The following TMEM50A variants were observed in gnomAD, a reference collection of about 807,000 sequenced individuals.
TMEM50A encodes the protein cervical cancer oncogene 9.
A neutral mutation model predicts 23.9 loss-of-function variants in TMEM50A; 8 were observed. That is an observed-to-expected ratio of 0.33 (90% CI 0.20 to 0.60). TMEM50A has a LOEUF of 0.60. TMEM50A is among the 20% of genes least tolerant of loss of function. The pLI is 0.81. For missense variants in TMEM50A, 178 were observed against 192.7 expected (o/e 0.92, Z 0.45); for synonymous variants, 55 against 60.4 (o/e 0.91, Z 0.41).
intron 3 of TMEM50A, among the ~76,000 whole-genome samples, chr1:25,343,740 G>T (rs1645187678): frequency 6.6e-6 from 1 of 152,090 alleles, no homozygotes; most frequent in Non-Finnish European, 1.5e-5. Flanking sequence ...AGGTGACTTT[G>T]AGTAAAGACT....
intron 5 of TMEM50A, among the ~76,000 whole-genome samples, chr1:25,356,157 A>G (rs1262805041): frequency 2.0e-5 from 3 of 152,114 alleles, no homozygotes; most frequent in Non-Finnish European, 4.4e-5. Context: ...CTCTTAAAAT[A>G]TGTCATCTCA....
chr1:25,360,645 T>G lies in TMEM50A; in HGVS notation c.429-15T>G, dbSNP rs766278688. On this transcript the variant is annotated splice_polypyrimidine_tract_variant and intron_variant, in intron 6 of 6. Coordinates refer to ENST00000374358, the MANE Select transcript of TMEM50A (RefSeq NM_014313.4). Reference sequence around the variant, plus strand: ...AATTCAGGGAGTCATGTGATATTTCTTGTTTTATTCACAGAGGGCTGGTTT... The same window carrying G: ...AATTCAGGGAGTCATGTGATATTTCGTGTTTTATTCACAGAGGGCTGGTTT... 1 of 1,614,014 alleles carries G rather than the reference T, an allele frequency of 6.2e-7. No individual in the cohort carries two copies. The highest frequency in any genetic ancestry group is 1.1e-5 in the South Asian group (1 of 91,084).
intron 3 of TMEM50A, among the ~76,000 whole-genome samples, chr1:25,343,442 C>G (rs537314623): frequency 6.6e-6 from 1 of 151,856 alleles, no homozygotes; most frequent in African/African-American, 2.4e-5. Context: ...GTTAGTAAAA[C>G]AGGAAAAATC....
Position 25,348,042 on chromosome 1 carries a change from A to T in TMEM50A, c.207-3584A>T, listed in dbSNP as rs570905248. On this transcript the variant is annotated intron_variant, in intron 3 of 6. Transcript: ENST00000374358. ...GTAGCAAGTCTGACTATGGAGGGGA[A>T]TTATAGCTGTATATGAGCTTGAATG... Among the ~76,000 whole-genome samples, 7 of 152,354 alleles carry T rather than the reference A, an allele frequency of 4.6e-5. No individual in the cohort carries two copies. In the South Asian group the frequency reaches 1.4e-3, roughly 32 times the overall value.
chr1:25,346,039 C>T (rs142580728), intron 3 of TMEM50A, among the ~76,000 whole-genome samples: 1,551 of 152,084 alleles, frequency 0.01, 28 homozygotes, highest in African/African-American at 0.035. Context: ...CCACCTGTCT[C>T]GGCCTCCCAA....
chr1:25,350,584 C>T (rs1645265661), intron 3 of TMEM50A, among the ~76,000 whole-genome samples: 1 of 152,204 alleles, frequency 6.6e-6, no homozygotes, highest in East Asian at 1.9e-4. Flanking sequence ...GACGGGGTTT[C>T]TCTGTGTTGG....
At position 25,340,477 on chromosome 1, in the gene TMEM50A, C is replaced by A. The variant is rs1377401129; in HGVS notation, c.-10C>A. On this transcript the variant is annotated 5_prime_UTR_variant, in exon 2 of 7. Coordinates refer to ENST00000374358, the MANE Select transcript of TMEM50A (RefSeq NM_014313.4). ...TGTTTGTTTGTTTGTTTTTAAGTGA[C>A]CTGAAAAAAATGTCTGGATTTCTAG... The A allele has an allele frequency of 5.6e-6, 9 of 1,608,802 alleles. No homozygotes were observed. In the East Asian group the frequency reaches 2.0e-4, roughly 36 times the overall value.
Position 25,361,528 on chromosome 1 carries a change from A to C in TMEM50A, c.*823A>C, listed in dbSNP as rs551520178. On this transcript the variant is annotated 3_prime_UTR_variant, in exon 7 of 7. Coordinates refer to ENST00000374358, the MANE Select transcript of TMEM50A (RefSeq NM_014313.4). ...ATGTTGCATTTCATCTGTGTACTGA[A>C]CCACTAGCCTAATAGACCAGCACGG... 1 of 152,338 alleles carries C rather than the reference A, an allele frequency of 6.6e-6. No individual in the cohort carries two copies. The highest frequency in any genetic ancestry group is 2.4e-5 in the African/African-American group (1 of 41,548). The allele number at this position is 152,338 out of a possible 1,614,324, so 9.4% of individuals were successfully genotyped here. A position where few individuals can be genotyped will look rare whatever the true frequency, so the allele number is the denominator to read the frequency against.
chr1:25,358,994 A>G (rs994939466), intron 6 of TMEM50A, among the ~76,000 whole-genome samples: 18 of 152,160 alleles, frequency 1.2e-4, no homozygotes, highest in Admixed American at 3.3e-4. Flanking sequence ...GGCTCAAGCG[A>G]TCTGCCCGCC....
intron 4 of TMEM50A, among the ~76,000 whole-genome samples, chr1:25,352,192 T>TA (rs1645281061): frequency 6.6e-6 from 1 of 152,086 alleles, no homozygotes; most frequent in Non-Finnish European, 1.5e-5. Flanking sequence ...TGTTTGAAAG[T>TA]ACTCTTGGAA....
chr1:25,350,599 G>A (rs184269391), intron 3 of TMEM50A, among the ~76,000 whole-genome samples: 1 of 152,096 alleles, frequency 6.6e-6, no homozygotes, highest in African/African-American at 2.4e-5. Context: ...TGTTGGTCAG[G>A]CTGGTCTTGA....
In TMEM50A at chr1:25,354,224, A is replaced by C. The variant is rs191393163; in HGVS notation, c.367+1250A>C. 1.3e-4 allele frequency among the ~76,000 whole-genome samples: 20 copies of C among 152,250 alleles called. No homozygotes were observed. The East Asian group carries it at 3.9e-3, about 29-fold the overall frequency. On this transcript the variant is annotated intron_variant, in intron 5 of 6. Transcript: ENST00000374358. ...AGGCTGGTCTCAAACTCCTGGGCTC[A>C]AGTGATCTGCCTGCCTCAGCTTCCC...
At chr1:25,343,619 T>C (rs1645186899) in intron 3 of TMEM50A, among the ~76,000 whole-genome samples, 1 of 152,124 alleles carries the variant, frequency 6.6e-6, no homozygotes, top group African/African-American at 2.4e-5. Context: ...GTTGGTCTCC[T>C]GGGCTCAAGT....
At chr1:25,349,332 G>A (rs1213461596) in intron 3 of TMEM50A, among the ~76,000 whole-genome samples, 1 of 152,172 alleles carries the variant, frequency 6.6e-6, no homozygotes, top group Admixed American at 6.5e-5. Flanking sequence ...ATTCCAAAGT[G>A]TCCCTAATAG....
At chr1:25,348,667 G>C (rs1485177370) in intron 3 of TMEM50A, among the ~76,000 whole-genome samples, 1 of 132,062 alleles carries the variant, frequency 7.6e-6, no homozygotes, top group African/African-American at 2.8e-5. Flanking sequence ...CCTGGCGATA[G>C]AGCAAGACTC....
rs1467094979 is a variant in TMEM50A at position 25,361,027 on chromosome 1, T to C, written c.*322T>C. 3 of 239,980 alleles carry C rather than the reference T, an allele frequency of 1.3e-5. No homozygotes were observed. The highest frequency in any genetic ancestry group is 2.5e-5 in the Non-Finnish European group (3 of 122,376). The allele number at this position is 239,980 out of a possible 1,614,324, so 14.9% of individuals were successfully genotyped here. On this transcript the variant is annotated 3_prime_UTR_variant, in exon 7 of 7. Transcript: ENST00000374358. ...TTTGTCAATGTAAGTATTTGTCATA[T>C]CTGAGGTCCAAAACCACAATGAAAG...
Position 25,338,445 on chromosome 1 carries a change from A to C in TMEM50A, c.-25A>C, listed in dbSNP as rs1294467020. ...CACCGGGCTCCGGAACCACTGCACG[A>C]CGGGGCTGGACGTAAGTGTCGGGCG... On this transcript the variant is annotated 5_prime_UTR_variant, in exon 1 of 7. Coordinates refer to ENST00000374358, the MANE Select transcript of TMEM50A (RefSeq NM_014313.4). 1 of 152,350 alleles carries C rather than the reference A, an allele frequency of 6.6e-6. No homozygotes were observed. The highest frequency in any genetic ancestry group is 1.5e-5 in the Non-Finnish European group (1 of 68,172). The allele number at this position is 152,350 out of a possible 1,614,324, so 9.4% of individuals were successfully genotyped here.
At position 25,361,480 on chromosome 1, in the gene TMEM50A, G is replaced by A. The variant is rs900357614; in HGVS notation, c.*775G>A. 2 of 152,252 alleles carry A rather than the reference G, an allele frequency of 1.3e-5. No homozygotes were observed. Among genetic ancestry groups the A allele is most frequent in the Non-Finnish European group, 2.9e-5 (2 of 68,086 alleles). 9.4% of individuals were successfully genotyped at this position (152,252 alleles called of 1,614,324 possible). A position where few individuals can be genotyped will look rare whatever the true frequency, so the allele number is the denominator to read the frequency against. On this transcript the variant is annotated 3_prime_UTR_variant, in exon 7 of 7. Transcript: ENST00000374358. ...GACAGGGGACAATTTCTTTGTAGTT[G>A]TTCTGATAATAAACTGGGTTCCATG...
chr1:25,356,798 G>A lies in TMEM50A; in HGVS notation c.373G>A (p.Asp125Asn). Reference sequence around the variant, plus strand: ...CACTGCAATTATTTTTACAGAAAAAGACATAGTATACCCTGGAATTGCTGT... The same window carrying A: ...CACTGCAATTATTTTTACAGAAAAAAACATAGTATACCCTGGAATTGCTGT... Reference protein sequence around the residue: ...LFGGYVAKEKDIVYPGIAVFF... With the variant: ...LFGGYVAKEKNIVYPGIAVFF... Residue 125 changes from aspartate to asparagine, a missense_variant, in exon 6 of 7, where the codon GAC becomes AAC. Transcript: ENST00000374358. 6.3e-7 allele frequency: 1 copy of A among 1,582,324 alleles called. No homozygotes were observed. The highest frequency in any genetic ancestry group is 8.5e-7 in the Non-Finnish European group (1 of 1,169,938).
Sources: allele counts gnomAD v4.1 joint callset (sites outside exome capture counted in the v4.1 genomes callset), GRCh38; gene constraint gnomAD v4.1.1; transcripts MANE v1.5; gene names NCBI Gene and HGNC (gene_info 2026-07-23, HGNC 2026-07-21).